ABCA13: variants seen among roughly 807,000 people sequenced by gnomAD.
ABCA13 encodes ATP-binding cassette sub-family A member 13.
Under a neutral mutation model 478.7 loss-of-function variants are expected in ABCA13, and 476 were observed. The ratio of observed to expected loss-of-function variants is 0.99; its 90% CI spans 0.92 to 1.07. The LOEUF (loss-of-function observed/expected upper bound fraction) is 1.07. Ranked by LOEUF, ABCA13 falls within the 50% of genes least tolerant of loss-of-function variation. The pLI, the probability that ABCA13 is intolerant of heterozygous loss-of-function variation, is 0.00. For missense variants in ABCA13, 6,060 were observed against 5,910.6 expected (o/e 1.03, Z -0.83); for synonymous variants, 2,252 against 2,158.9 (o/e 1.04, Z -1.20).
chr7:48,460,659 A>G (rs941883936), intron 43 of ABCA13, among the ~76,000 whole-genome samples: 1 of 152,198 alleles, frequency 6.6e-6, no homozygotes, highest in Non-Finnish European at 1.5e-5. Flanking sequence ...TTCAACCCAC[A>G]ACATTTCCTA....
chr7:48,374,429 A>T lies in ABCA13; in HGVS notation c.11203+13A>T, dbSNP rs778502260. The T allele has an allele frequency of 8.1e-6, 13 of 1,602,710 alleles. No individual in the cohort carries two copies. In the South Asian group the frequency reaches 1.1e-4, roughly 14 times the overall value. On this transcript the variant is annotated intron_variant, in intron 34 of 61. Coordinates refer to ENST00000435803, the MANE Select transcript of ABCA13 (RefSeq NM_152701.5). ...GGACAAGAGACAGGTAAGAGCATGC[A>T]TGTGTAAAAAGTGACTCTCAGTGAA...
At chr7:48,247,477 C>T (rs77957715) in intron 13 of ABCA13, among the ~76,000 whole-genome samples, 6,715 of 152,128 alleles carry the variant, frequency 0.044, 376 homozygotes, top group African/African-American at 0.13. Context: ...GCCTACGATA[C>T]GTATCACTAA....
intron 58 of ABCA13, among the ~76,000 whole-genome samples, chr7:48,607,614 T>C (rs898029585): frequency 9.9e-5 from 15 of 152,188 alleles, no homozygotes; most frequent in Non-Finnish European, 1.3e-4. Flanking sequence ...TTATGAACAA[T>C]TTCTTTTGAC....
At chr7:48,627,200 C>T in intron 59 of ABCA13, 2 of 358,036 alleles carry the variant, frequency 5.6e-6, no homozygotes, top group Non-Finnish European at 7.8e-6. Flanking sequence ...GCAGTTGGCC[C>T]CAAAACAGAG....
chr7:48,590,350 A>G (rs1322901769), intron 57 of ABCA13, among the ~76,000 whole-genome samples: 1 of 152,130 alleles, frequency 6.6e-6, no homozygotes, highest in Non-Finnish European at 1.5e-5. Context: ...AGAAAGAGAG[A>G]GAGAGAGACA....
chr7:48,390,931 A>C (rs957784021), intron 37 of ABCA13, among the ~76,000 whole-genome samples: 3 of 152,200 alleles, frequency 2.0e-5, no homozygotes, highest in African/African-American at 7.2e-5. Flanking sequence ...GCACACATTT[A>C]ATTTCTCATG....
At chr7:48,409,704 C>A (rs548460962) in intron 39 of ABCA13, among the ~76,000 whole-genome samples, 1 of 152,118 alleles carries the variant, frequency 6.6e-6, no homozygotes, top group African/African-American at 2.4e-5. Context: ...TGCCTTAACT[C>A]AGTGCTATGA....
At chr7:48,412,133 G>A (rs1180908853) in intron 40 of ABCA13, among the ~76,000 whole-genome samples, 1 of 152,248 alleles carries the variant, frequency 6.6e-6, no homozygotes, top group South Asian at 2.1e-4. Context: ...GCATGTGGGT[G>A]TGGCCTCACA....
At chr7:48,540,810 C>T (rs1352355500) in intron 55 of ABCA13, among the ~76,000 whole-genome samples, 1 of 152,110 alleles carries the variant, frequency 6.6e-6, no homozygotes, top group Non-Finnish European at 1.5e-5. Flanking sequence ...CAGAGCATGT[C>T]ATGTTCTCCT....
intron 58 of ABCA13, among the ~76,000 whole-genome samples, chr7:48,608,976 A>G (rs1306059309): frequency 6.6e-6 from 1 of 152,090 alleles, no homozygotes; most frequent in Non-Finnish European, 1.5e-5. Flanking sequence ...TTTTTCTTGT[A>G]TTTTACTTCA....
chr7:48,295,660 T>C, intron 20 of ABCA13, 40 bp from the exon 21 acceptor site: 1 of 1,608,666 alleles, frequency 6.2e-7, no homozygotes, highest in Non-Finnish European at 8.5e-7. Context: ...TACAGATAAG[T>C]ATGTGTGCTT....
intron 31 of ABCA13, among the ~76,000 whole-genome samples, chr7:48,356,027 G>A (rs927974047): frequency 1.3e-5 from 2 of 151,918 alleles, no homozygotes; most frequent in African/African-American, 4.9e-5. Context: ...CAAATGTGGG[G>A]CCCCTCCCAT....
intron 59 of ABCA13, among the ~76,000 whole-genome samples, chr7:48,641,706 T>C (rs1309165739): frequency 2.0e-5 from 3 of 152,124 alleles, no homozygotes; most frequent in Non-Finnish European, 2.9e-5. Flanking sequence ...TGGAACATAA[T>C]GTTATGCCCA....
At chr7:48,435,803 T>A (rs1822750657) in intron 42 of ABCA13, among the ~76,000 whole-genome samples, 1 of 151,696 alleles carries the variant, frequency 6.6e-6, no homozygotes, top group East Asian at 1.9e-4. Flanking sequence ...CCTTTTAATG[T>A]GTGGTATTAA....
At chr7:48,636,772 G>A (rs1262030707) in intron 59 of ABCA13, among the ~76,000 whole-genome samples, 1 of 152,128 alleles carries the variant, frequency 6.6e-6, no homozygotes, top group Non-Finnish European at 1.5e-5. Flanking sequence ...ATCCTCAGCT[G>A]TTTCCCCTCT....
intron 48 of ABCA13, among the ~76,000 whole-genome samples, chr7:48,498,004 C>T (rs1302980608): frequency 6.6e-6 from 1 of 152,156 alleles, no homozygotes; most frequent in Admixed American, 6.5e-5. Context: ...GGAGGCTCAG[C>T]TCTTTGTTGG....
At chr7:48,617,178 G>C (rs78059225) in intron 59 of ABCA13, among the ~76,000 whole-genome samples, 40 of 152,154 alleles carry the variant, frequency 2.6e-4, no homozygotes, top group Non-Finnish European at 4.6e-4. Context: ...ACAATAACTA[G>C]ATTTTTCATA....
intron 54 of ABCA13, 56 bp from the exon 55 acceptor site, chr7:48,528,180 C>A: frequency 7.2e-7 from 1 of 1,380,572 alleles, no homozygotes; most frequent in South Asian, 1.3e-5. Flanking sequence ...TTAACTTGTT[C>A]TATTTATTTA....
intron 51 of ABCA13, among the ~76,000 whole-genome samples, chr7:48,515,932 G>A (rs942731832): frequency 1.3e-5 from 2 of 152,106 alleles, no homozygotes; most frequent in Non-Finnish European, 2.9e-5. Context: ...GAAGTCAGCC[G>A]ACTTTCTCCA....
Sources: allele counts gnomAD v4.1 joint callset (sites outside exome capture counted in the v4.1 genomes callset), GRCh38; gene constraint gnomAD v4.1.1; transcripts MANE v1.5; gene names NCBI Gene and HGNC (gene_info 2026-07-23, HGNC 2026-07-21).